The following PTPRF variants were observed in gnomAD, a reference collection of about 807,000 sequenced individuals.
PTPRF encodes the protein protein tyrosine phosphatase receptor type F.
Under a neutral mutation model 201.8 loss-of-function variants are expected in PTPRF, and 59 were observed. The observed-to-expected ratio is 0.29, with a 90% CI of 0.24 to 0.36. The LOEUF (loss-of-function observed/expected upper bound fraction) is 0.36, where lower values mean the gene tolerates loss of function less well. Ranked by LOEUF, PTPRF falls within the 10% of genes least tolerant of loss-of-function variation. The pLI, the probability that PTPRF is intolerant of heterozygous loss-of-function variation, is 1.00. For missense variants in PTPRF, 2,132 were observed against 2,690.5 expected (o/e 0.79, Z 4.59); for synonymous variants, 1,088 against 1,089.7 (o/e 1.00, Z 0.03).
upstream of PTPRF, chr1:43,525,148 G>A (rs1292419913): frequency 6.6e-6 from 1 of 152,288 alleles, no homozygotes; most frequent in Non-Finnish European, 1.5e-5. Context: ...AGTTGGACCA[G>A]GAGAAAAGTG....
intron 6 of PTPRF, among the ~76,000 whole-genome samples, chr1:43,573,724 C>A (rs1557744858): frequency 6.6e-6 from 1 of 152,230 alleles, no homozygotes; most frequent in Non-Finnish European, 1.5e-5. Context: ...TCCCCCACAC[C>A]CATCTTGTGA....
At chr1:43,581,833 C>T (rs1008035447) in intron 7 of PTPRF, among the ~76,000 whole-genome samples, 7 of 152,250 alleles carry the variant, frequency 4.6e-5, no homozygotes, top group African/African-American at 1.2e-4. Context: ...TTGATGTGGG[C>T]TCTAGCCCTG....
chr1:43,565,240 C>T (rs1209531120), intron 5 of PTPRF, among the ~76,000 whole-genome samples: 1 of 152,192 alleles, frequency 6.6e-6, no homozygotes, highest in Non-Finnish European at 1.5e-5. Flanking sequence ...GCCAAGCGCT[C>T]ATCCACTTCT....
rs1354786189 is a variant in PTPRF, at chr1:43,620,948, C to G, written c.5475C>G (p.Thr1825=). ...FIDFIGQVHK[T]KEQFGQDGPI... ...ACTTCATCGGGCAGGTGCATAAGAC[C>G]AAGGAGCAGTTTGGACAGGATGGGC... is the stretch of plus-strand genomic sequence containing the variant. Residue 1825 remains threonine, a synonymous_variant, in exon 32 of 34, where the codon ACC becomes ACG. Coordinates refer to ENST00000359947, the MANE Select transcript of PTPRF (RefSeq NM_002840.5). 1.2e-6 allele frequency: 2 copies of G among 1,614,038 alleles called. No homozygotes were observed. The highest frequency in any genetic ancestry group is 1.7e-6 in the Non-Finnish European group (2 of 1,180,012).
intron 29 of PTPRF, 33 bp from the exon 30 acceptor site, chr1:43,620,062 C>G (rs1477029723): frequency 6.2e-7 from 1 of 1,612,978 alleles, no homozygotes; most frequent in Non-Finnish European, 8.5e-7. Flanking sequence ...GGCAGCAGCA[C>G]CTCCAGCATG....
chr1:43,579,638 G>A (rs190786683), intron 7 of PTPRF: 75 of 217,512 alleles, frequency 3.4e-4, no homozygotes, highest in African/African-American at 1.7e-3. Flanking sequence ...CACAGCCTAG[G>A]GGTGACTAAA....
intron 23 of PTPRF, among the ~76,000 whole-genome samples, chr1:43,616,202 A>C (rs517849): frequency 0.78 from 116,893 of 149,738 alleles, 46,483 homozygotes; most frequent in African/African-American, 0.92. Context: ...AACTTCAGAT[A>C]GTATCCATCT....
At chr1:43,578,764 C>A in intron 6 of PTPRF, 46 bp from the exon 7 acceptor site, 1 of 1,457,182 alleles carries the variant, frequency 6.9e-7, no homozygotes, top group Non-Finnish European at 9.5e-7. Context: ...TTCCAGGCCA[C>A]ACTCGACATG....
chr1:43,615,705 T>C (rs997933327), intron 23 of PTPRF, among the ~76,000 whole-genome samples: 1 of 151,880 alleles, frequency 6.6e-6, no homozygotes, highest in African/African-American at 2.4e-5. Flanking sequence ...TAGCTGGGAC[T>C]ACAGGTGCCC....
At position 43,546,224 on chromosome 1, in the gene PTPRF, G is replaced by T. The variant is rs948666139; in HGVS notation, c.91+1058G>T. Among the ~76,000 whole-genome samples the T allele has an allele frequency of 6.6e-6, 1 of 152,204 alleles. No individual in the cohort carries two copies. The highest frequency in any genetic ancestry group is 1.5e-5 in the Non-Finnish European group (1 of 68,028). On this transcript the variant is annotated intron_variant, in intron 3 of 33. Coordinates refer to ENST00000359947, the MANE Select transcript of PTPRF (RefSeq NM_002840.5). This position sits in a 1 kb window ranked among gnomAD's most constrained non-coding sequence, Gnocchi z 4.2. ...ATTATTCAGGAACTGATTCTGGAGTGGGGTGGGACTGGTGTGGTCCCGCCC... is the reference window on the plus strand; with the variant it reads ...ATTATTCAGGAACTGATTCTGGAGTTGGGTGGGACTGGTGTGGTCCCGCCC...
Position 43,622,162 on chromosome 1 carries a change from CCAAT to C in PTPRF, c.*162_*165del, listed in dbSNP as rs1659364838. 1.3e-6 allele frequency: 1 copy of C among 743,218 alleles called. No homozygotes were observed. Among genetic ancestry groups the C allele is most frequent in the Non-Finnish European group, 2.2e-6 (1 of 447,870 alleles). The allele number at this position is 743,218 out of a possible 1,614,324, so 46.0% of individuals were successfully genotyped here. ...ACAGCGTTTCAGGAACGTTGCCACA[CCAAT>C]CAGAGAGCCTAGAACATCCCTGGGC... is the stretch of plus-strand genomic sequence containing the variant. On this transcript the variant is annotated 3_prime_UTR_variant, in exon 34 of 34. Transcript: ENST00000359947.
intron 5 of PTPRF, among the ~76,000 whole-genome samples, chr1:43,561,692 C>A (rs1018556255): frequency 6.6e-6 from 1 of 152,154 alleles, no homozygotes; most frequent in African/African-American, 2.4e-5. Flanking sequence ...GATTTCAGAT[C>A]CACGCAGACA....
At chr1:43,615,563 TTTTTTTTTTTTTTTTTTTC>T (rs1557863010) in intron 23 of PTPRF, among the ~76,000 whole-genome samples, 17 of 63,332 alleles carry the variant, frequency 2.7e-4, no homozygotes, top group South Asian at 1.4e-3. Flanking sequence ...TTTTTTTTTT[TTTTTTTTTTTTTTTTTTTC>T]TTTTTTGGAA....
chr1:43,603,654 C>T lies in PTPRF; in HGVS notation c.2502C>T (p.Asn834=), dbSNP rs1176600244. 5 of 1,613,488 alleles carry T rather than the reference C, an allele frequency of 3.1e-6. No individual in the cohort carries two copies. The highest frequency in any genetic ancestry group is 1.1e-5 in the South Asian group (1 of 91,060). ...PTMMISTTAM[N]TALLQWHPPK... is the part of the protein sequence containing the mutation. The stretch of plus-strand genomic sequence containing the variant: ...TGATGATCAGCACCACGGCCATGAA[C>T]ACTGCGCTGCTCCAGTGGCACCCAC... The change falls in exon 16 of 34, where the codon AAC becomes AAT. Residue 834 remains asparagine, a synonymous_variant. Coordinates refer to ENST00000359947, the MANE Select transcript of PTPRF (RefSeq NM_002840.5). This position sits in a 1 kb window ranked among gnomAD's most constrained non-coding sequence, Gnocchi z 5.8.
At position 43,619,507 on chromosome 1, in the gene PTPRF, C is replaced by G; in HGVS notation, c.4866C>G (p.Ala1622=). ...AGGTGCCTGCCCGCAACCTGTATGC[C>G]CACATCCAGAAGCTGGGCCAAGTGC... is the stretch of plus-strand genomic sequence containing the variant. ...HTEVPARNLY[A]HIQKLGQVPP... Residue 1622 remains alanine, a synonymous_variant, in exon 28 of 34, where the codon GCC becomes GCG. Transcript: ENST00000359947. 1 of 1,614,038 alleles carries G rather than the reference C, an allele frequency of 6.2e-7. No homozygotes were observed. Among genetic ancestry groups the G allele is most frequent in the Non-Finnish European group, 8.5e-7 (1 of 1,180,040 alleles).
chr1:43,538,466 G>A, intron 2 of PTPRF, among the ~76,000 whole-genome samples, 189 bp downstream of exon 2: 1 of 152,218 alleles, frequency 6.6e-6, no homozygotes. Flanking sequence ...AGTGACAGAA[G>A]TGGAGAGAAG....
intron 3 of PTPRF, among the ~76,000 whole-genome samples, chr1:43,548,039 A>G (rs139937926): frequency 2.2e-4 from 33 of 151,482 alleles, no homozygotes; most frequent in African/African-American, 7.7e-4. Context: ...GACACAGGCC[A>G]TGGCAGAAGC....
chr1:43,617,606 C>T, intron 24 of PTPRF, 38 bp downstream of exon 24: 2 of 1,612,384 alleles, frequency 1.2e-6, no homozygotes, highest in East Asian at 2.2e-5. Flanking sequence ...CCCTTGCTCT[C>T]CCCCTTGCTA....
rs1175252633 is a variant in PTPRF at position 43,603,191 on chromosome 1, T to C, written c.2341-225T>C. ...TGTCTGAAAAGAATAATGAGCTGTC[T>C]GCCCCAGGCGTGCGGCTCCTGGGAT... is the stretch of plus-strand genomic sequence containing the variant. On this transcript the variant is annotated intron_variant, in intron 14 of 33. Coordinates refer to ENST00000359947, the MANE Select transcript of PTPRF (RefSeq NM_002840.5). This position sits in a 1 kb window ranked among gnomAD's most constrained non-coding sequence, Gnocchi z 5.8. Among the ~76,000 whole-genome samples the C allele has an allele frequency of 6.6e-6, 1 of 152,190 alleles. No homozygotes were observed. Among genetic ancestry groups the C allele is most frequent in the Non-Finnish European group, 1.5e-5 (1 of 68,018 alleles).
Sources: gnomAD v4.1 joint callset for allele counts (sites outside exome capture counted in the v4.1 genomes callset) on GRCh38, gnomAD v4.1.1 for gene constraint, Gnocchi (gnomAD v3.1) non-coding constraint, MANE v1.5 for transcripts, NCBI Gene and HGNC (gene_info 2026-07-23, HGNC 2026-07-21) for gene names.